CDC25A: variants seen among roughly 807,000 people sequenced by gnomAD.
CDC25A encodes the protein cell division cycle 25A.
Under a neutral mutation model 64.6 loss-of-function variants are expected in CDC25A, and 17 were observed. The ratio of observed to expected loss-of-function variants is 0.26; its 90% CI spans 0.18 to 0.39. CDC25A has a LOEUF of 0.39. Among genes scored for constraint, CDC25A ranks in the 10% least tolerant of loss-of-function variants. The probability of loss-of-function intolerance (pLI) is 1.00; values close to 1 mark genes in which losing one functional copy is unlikely to be tolerated. For synonymous variants in CDC25A, 229 were observed against 238.6 expected, an observed-to-expected ratio of 0.96 and a Z score of 0.37; for missense variants, 473 against 654.8, an observed-to-expected ratio of 0.72 and a Z score of 3.03.
Position 48,174,327 on chromosome 3 carries a change from C to A in CDC25A, c.887G>T (p.Gly296Val). 2 of 1,614,214 alleles carry A rather than the reference C, an allele frequency of 1.2e-6. No homozygotes were observed. Among genetic ancestry groups the A allele is most frequent in the Non-Finnish European group, 1.7e-6 (2 of 1,180,040 alleles). The part of the protein sequence containing the change: ...GSTKRRKSMS[G>V]ASPKESTNPE... Reference sequence around the variant, plus strand: ...ATTAGTTGACTCTTTGGGGCTGGCCCCAGACATGCTCTTCCTCCTCTTTGT... The same window carrying A: ...ATTAGTTGACTCTTTGGGGCTGGCCACAGACATGCTCTTCCTCCTCTTTGT... The change falls in exon 9 of 15, where the codon GGG becomes GTG. Residue 296 changes from glycine to valine, a missense_variant. Gly to Val is a moderately radical substitution (Grantham distance 109). Coordinates refer to ENST00000302506, the MANE Select transcript of CDC25A (RefSeq NM_001789.3).
Position 48,186,690 on chromosome 3 carries a change from C to A in CDC25A, c.247+13G>T. On this transcript the variant is annotated intron_variant, in intron 2 of 14. Coordinates refer to ENST00000302506, the MANE Select transcript of CDC25A (RefSeq NM_001789.3). ...ATTCAGAGTATTGCTCCCCACACAG[C>A]AGACTTAAATACCTGAATCTGTTGA... 6.5e-7 allele frequency: 1 copy of A among 1,547,564 alleles called. No homozygotes were observed. Among genetic ancestry groups the A allele is most frequent in the Non-Finnish European group, 8.9e-7 (1 of 1,124,552 alleles).
intron 6 of CDC25A, among the ~76,000 whole-genome samples, chr3:48,179,303 C>G (rs532793528): frequency 6.6e-6 from 1 of 152,260 alleles, no homozygotes; most frequent in African/African-American, 2.4e-5. Context: ...GATACAGGCT[C>G]TAGTCGCTAA....
chr3:48,172,410 G>A (rs2032301758), intron 9 of CDC25A, among the ~76,000 whole-genome samples: 1 of 152,184 alleles, frequency 6.6e-6, no homozygotes, highest in African/African-American at 2.4e-5. Flanking sequence ...AACACAGGTA[G>A]TTCACCATTT....
At chr3:48,171,382 C>CTT (rs908598235) in intron 9 of CDC25A, among the ~76,000 whole-genome samples, 6 of 136,478 alleles carry the variant, frequency 4.4e-5, no homozygotes, top group Non-Finnish European at 6.4e-5. Flanking sequence ...AATGAATATT[C>CTT]TTTTTTTTTT....
intron 4 of CDC25A, among the ~76,000 whole-genome samples, chr3:48,183,533 C>A (rs896289488): frequency 2.0e-5 from 3 of 151,982 alleles, no homozygotes; most frequent in African/African-American, 7.3e-5. Context: ...AAAAATCAGC[C>A]GGGTGTGATG....
chr3:48,177,257 C>T (rs992921552), intron 8 of CDC25A, 114 bp downstream of exon 8: 2 of 811,700 alleles, frequency 2.5e-6, no homozygotes, highest in African/African-American at 1.7e-5. Flanking sequence ...GCCTAAAACC[C>T]AGATCCCCAA....
At chr3:48,176,558 T>TAA (rs1553769227) in intron 8 of CDC25A, among the ~76,000 whole-genome samples, 20 of 134,652 alleles carry the variant, frequency 1.5e-4, no homozygotes, top group Admixed American at 2.3e-4. Context: ...TATATATATA[T>TAA]AAAATATATA....
chr3:48,178,790 A>C (rs2032559433), intron 6 of CDC25A, among the ~76,000 whole-genome samples: 1 of 152,224 alleles, frequency 6.6e-6, no homozygotes, highest in African/African-American at 2.4e-5. Context: ...GAAACCTCTA[A>C]ACATGGAATA....
At chr3:48,178,728 G>T (rs1392884897) in intron 6 of CDC25A, among the ~76,000 whole-genome samples, 1 of 152,046 alleles carries the variant, frequency 6.6e-6, no homozygotes, top group Non-Finnish European at 1.5e-5. Flanking sequence ...ACCATTCCTG[G>T]AATTAAAATG....
intron 2 of CDC25A, among the ~76,000 whole-genome samples, chr3:48,186,430 G>A (rs1263597000): frequency 6.6e-6 from 1 of 152,108 alleles, no homozygotes; most frequent in Non-Finnish European, 1.5e-5. Context: ...TTAGCCGGGT[G>A]TGGTGGTGCA....
Position 48,157,688 on chromosome 3 carries a change from T to G in CDC25A, c.*1257A>C, listed in dbSNP as rs1484006417. The G allele has an allele frequency of 6.6e-6, 1 of 152,522 alleles. No individual in the cohort carries two copies. Among genetic ancestry groups the G allele is most frequent in the Non-Finnish European group, 1.5e-5 (1 of 68,000 alleles). 9.4% of individuals were successfully genotyped at this position (152,522 alleles called of 1,614,324 possible). A position where few individuals can be genotyped will look rare whatever the true frequency, so the allele number is the denominator to read the frequency against. On this transcript the variant is annotated 3_prime_UTR_variant, in exon 15 of 15. Coordinates refer to ENST00000302506, the MANE Select transcript of CDC25A (RefSeq NM_001789.3). ...AGATAAGGGGACAACCGGTGATGAT[T>G]CATCACTCCCTGTCTCTAAAATTAA...
At chr3:48,183,646 A>C in intron 4 of CDC25A, among the ~76,000 whole-genome samples, 154 bp downstream of exon 4, 1 of 152,190 alleles carries the variant, frequency 6.6e-6, no homozygotes, top group Non-Finnish European at 1.5e-5. Context: ...TTGCCACTGC[A>C]CTCCAGCCTG....
intron 9 of CDC25A, among the ~76,000 whole-genome samples, chr3:48,171,032 T>A (rs1460473005): frequency 6.6e-6 from 1 of 152,072 alleles, no homozygotes; most frequent in African/African-American, 2.4e-5. Context: ...AAAAAAGTTT[T>A]ACAAATATGG....
At chr3:48,171,428 T>C (rs573218346) in intron 9 of CDC25A, among the ~76,000 whole-genome samples, 1 of 150,562 alleles carries the variant, frequency 6.6e-6, no homozygotes, top group Non-Finnish European at 1.5e-5. Flanking sequence ...TCACCCAGGC[T>C]GGAGTGCAGT....
intron 6 of CDC25A, chr3:48,180,389 T>TA (rs1211575964): frequency 0.014 from 1,997 of 144,918 alleles, no homozygotes; most frequent in East Asian, 0.02. Context: ...AGAAAGCCCT[T>TA]AAAAAAAAAA....
At chr3:48,159,293 C>CT in intron 14 of CDC25A, 51 bp downstream of exon 14, 2 of 1,406,978 alleles carry the variant, frequency 1.4e-6, no homozygotes, top group Non-Finnish European at 2.0e-6. Flanking sequence ...ATCCATTAGT[C>CT]TACCACTGGG....
At chr3:48,184,125 C>T (rs1240643567) in intron 3 of CDC25A, among the ~76,000 whole-genome samples, 1 of 152,000 alleles carries the variant, frequency 6.6e-6, no homozygotes, top group Admixed American at 6.6e-5. Flanking sequence ...CTATGGGAGG[C>T]CGAGGAGGGT....
intron 1 of CDC25A, 117 bp downstream of exon 1, chr3:48,187,661 G>T: frequency 1.9e-6 from 2 of 1,040,906 alleles, no homozygotes; most frequent in South Asian, 1.8e-5. Context: ...CTGTCCCCGA[G>T]CGGCGAACCC....
At chr3:48,184,838 T>C (rs1014701379) in intron 2 of CDC25A, 143 bp from the exon 3 acceptor site, 25 of 616,080 alleles carry the variant, frequency 4.1e-5, no homozygotes, top group Non-Finnish European at 6.8e-5. Context: ...CCAGAATTGA[T>C]GTTACGTCTA....
Sources: allele counts gnomAD v4.1 joint callset (sites outside exome capture counted in the v4.1 genomes callset), GRCh38; gene constraint gnomAD v4.1.1; transcripts MANE v1.5; gene names NCBI Gene and HGNC (gene_info 2026-07-23, HGNC 2026-07-21).